Variants in BACH2 observed in about 807,000 individuals in gnomAD.
The protein encoded by BACH2 is BACH transcriptional regulator 2.
A neutral mutation model predicts 61.8 loss-of-function variants in BACH2; 5 were observed. The observed-to-expected ratio is 0.08, with a 90% confidence interval of 0.04 to 0.17. The LOEUF (loss-of-function observed/expected upper bound fraction) is 0.17, where lower values mean the gene tolerates loss of function less well. BACH2 is among the 10% of genes least tolerant of loss of function. The pLI is 1.00. For synonymous variants in BACH2, 446 were observed against 440.1 expected (o/e 1.01, Z -0.17); for missense variants, 824 against 1,091.1 (o/e 0.76, Z 3.45).
rs537460572 is a variant in BACH2, at chr6:89,928,914, T to A, written c.*3494A>T. 1 of 152,198 alleles carries A rather than the reference T, an allele frequency of 6.6e-6. No individual in the cohort carries two copies. The highest frequency in any genetic ancestry group is 1.9e-4 in the East Asian group (1 of 5,300). The allele number at this position is 152,198 out of a possible 1,614,324, so 9.4% of individuals were successfully genotyped here. A position where few individuals can be genotyped will look rare whatever the true frequency, so the allele number is the denominator to read the frequency against. On this transcript the variant is annotated 3_prime_UTR_variant, in exon 9 of 9. Coordinates refer to ENST00000257749, the MANE Select transcript of BACH2 (RefSeq NM_021813.4). ...TAACTGTTTTGTTCCAGAATCAGTATGTAATAAAGTTCGATTTTAATCAAG... is the reference window on the plus strand; with the variant it reads ...TAACTGTTTTGTTCCAGAATCAGTAAGTAATAAAGTTCGATTTTAATCAAG...
At chr6:90,272,823 G>A (rs1016977386) in intron 1 of BACH2, among the ~76,000 whole-genome samples, 15 of 152,030 alleles carry the variant, frequency 9.9e-5, no homozygotes, top group African/African-American at 3.4e-4. Context: ...GTTTCCTCTT[G>A]TAAAATTGGC....
chr6:90,068,327 T>C (rs1007996329), intron 5 of BACH2, among the ~76,000 whole-genome samples: 11 of 152,206 alleles, frequency 7.2e-5, no homozygotes, highest in Non-Finnish European at 1.0e-4. Context: ...CTGAGTACAG[T>C]AGTGATGAAT....
chr6:90,166,861 A>T (rs1199884292), intron 4 of BACH2, among the ~76,000 whole-genome samples: 1 of 141,320 alleles, frequency 7.1e-6, no homozygotes, highest in Non-Finnish European at 1.5e-5. Flanking sequence ...AACAATGAGA[A>T]CACATGGACA....
At chr6:90,117,390 A>C (rs1002246402) in intron 4 of BACH2, among the ~76,000 whole-genome samples, 9 of 151,726 alleles carry the variant, frequency 5.9e-5, no homozygotes, top group African/African-American at 2.2e-4. Flanking sequence ...TTTAGGTGTA[A>C]GATTAGAGAG....
intron 5 of BACH2, among the ~76,000 whole-genome samples, chr6:90,011,629 G>A (rs978337359): frequency 1.2e-4 from 19 of 152,146 alleles, no homozygotes; most frequent in Non-Finnish European, 5.9e-5. Flanking sequence ...GTGCATCACC[G>A]TATCTGGCTA....
rs557773023 is a variant in BACH2 at position 89,999,399 on chromosome 6, G to A, written c.243+9203C>T. On this transcript the variant is annotated intron_variant, in intron 6 of 8. Coordinates refer to ENST00000257749, the MANE Select transcript of BACH2 (RefSeq NM_021813.4). ...TGGCTTGCTGCCAGTTCGTGCTGGC[G>A]TGACCTACAATACCCTTGGCTGACA... 1.3e-4 allele frequency among the ~76,000 whole-genome samples: 20 copies of A among 151,630 alleles called. 1 individual carries two copies. The South Asian group carries it at 3.1e-3, about 24-fold the overall frequency.
At chr6:90,045,580 A>T (rs574337897) in intron 5 of BACH2, among the ~76,000 whole-genome samples, 1 of 152,332 alleles carries the variant, frequency 6.6e-6, no homozygotes, top group African/African-American at 2.4e-5. Context: ...TAAGTCCGAG[A>T]TAAGTTGCAT....
Position 90,008,897 on chromosome 6 carries a change from C to T in BACH2, c.-12-41G>A. The T allele has an allele frequency of 6.3e-7, 1 of 1,596,502 alleles. No individual in the cohort carries two copies. The highest frequency in any genetic ancestry group is 1.7e-5 in the Admixed American group (1 of 58,736). On this transcript the variant is annotated intron_variant, in intron 5 of 8. Coordinates refer to ENST00000257749, the MANE Select transcript of BACH2 (RefSeq NM_021813.4). This position sits in a 1 kb window ranked among gnomAD's most constrained non-coding sequence, Gnocchi z 4.1. ...AAACAAAGAAAGAAAGAAAGAAAGG[C>T]TGAGTCACCACAGCTGTAGGATCAG...
chr6:90,283,756 C>T (rs1771932676), intron 1 of BACH2, among the ~76,000 whole-genome samples: 1 of 151,842 alleles, frequency 6.6e-6, no homozygotes, highest in Non-Finnish European at 1.5e-5. Context: ...ACCTATAATC[C>T]CAGCACTTAG....
chr6:90,024,235 TA>T (rs910671537), intron 5 of BACH2, among the ~76,000 whole-genome samples: 1 of 152,178 alleles, frequency 6.6e-6, no homozygotes, highest in African/African-American at 2.4e-5. Context: ...TTCTGTGACT[TA>T]ATCACAAAGG....
chr6:89,956,043 C>T (rs1205785730), intron 6 of BACH2, among the ~76,000 whole-genome samples: 1 of 152,090 alleles, frequency 6.6e-6, no homozygotes, highest in Non-Finnish European at 1.5e-5. Flanking sequence ...CTAAGCAGAC[C>T]CATCTAGACT....
chr6:90,158,460 C>T (rs1301156761), intron 4 of BACH2, among the ~76,000 whole-genome samples: 4 of 152,006 alleles, frequency 2.6e-5, no homozygotes, highest in South Asian at 2.1e-4. Flanking sequence ...GACCCAGGAG[C>T]GGGGTTGAAA....
chr6:90,281,554 A>G (rs1011790435), intron 1 of BACH2, among the ~76,000 whole-genome samples: 1 of 152,088 alleles, frequency 6.6e-6, no homozygotes, highest in Non-Finnish European at 1.5e-5. Context: ...TTTTGTGACA[A>G]TCATATTAAA....
chr6:89,962,941 G>A lies in BACH2; in HGVS notation c.244-11079C>T, dbSNP rs113372983. 7.9e-3 allele frequency among the ~76,000 whole-genome samples: 1,207 copies of A among 152,262 alleles called. 21 individuals carry two copies. Among genetic ancestry groups the A allele is most frequent in the African/African-American group, 0.027 (1,110 of 41,540 alleles). On this transcript the variant is annotated intron_variant, in intron 6 of 8. Transcript: ENST00000257749. ...AGTAAAAAGGCAACTCATGGAATGGGAGGGAATATTTGTAAATCATATACC... is the reference window on the plus strand; with the variant it reads ...AGTAAAAAGGCAACTCATGGAATGGAAGGGAATATTTGTAAATCATATACC...
chr6:90,296,186 C>T (rs1214510473), intron 1 of BACH2, among the ~76,000 whole-genome samples: 1 of 151,988 alleles, frequency 6.6e-6, no homozygotes, highest in Non-Finnish European at 1.5e-5. Flanking sequence ...CCAAAACACC[C>T]TTCGACGCCA....
At chr6:90,082,183 T>C (rs553223830) in intron 5 of BACH2, among the ~76,000 whole-genome samples, 5 of 152,294 alleles carry the variant, frequency 3.3e-5, no homozygotes, top group Non-Finnish European at 7.4e-5. Context: ...TCTGCCAAAT[T>C]GCCTTATAGT....
At chr6:90,075,798 T>C (rs1781449461) in intron 5 of BACH2, among the ~76,000 whole-genome samples, 1 of 152,146 alleles carries the variant, frequency 6.6e-6, no homozygotes, top group Admixed American at 6.6e-5. Flanking sequence ...AAAGGATGGA[T>C]ATTGTTTCAG....
At chr6:90,296,184 C>T (rs1772372509) in intron 1 of BACH2, among the ~76,000 whole-genome samples, 1 of 151,976 alleles carries the variant, frequency 6.6e-6, no homozygotes, top group Admixed American at 6.5e-5. Flanking sequence ...TTCCAAAACA[C>T]CCTTCGACGC....
At chr6:89,995,580 TG>T (rs1187755671) in intron 6 of BACH2, among the ~76,000 whole-genome samples, 5 of 152,142 alleles carry the variant, frequency 3.3e-5, no homozygotes, top group Admixed American at 3.3e-4. Flanking sequence ...AGAGTGTGTG[TG>T]ATGTTACTTT....
Sources: gnomAD v4.1 joint callset for allele counts (sites outside exome capture counted in the v4.1 genomes callset) on GRCh38, gnomAD v4.1.1 for gene constraint, Gnocchi (gnomAD v3.1) non-coding constraint, MANE v1.5 for transcripts, NCBI Gene and HGNC (gene_info 2026-07-23, HGNC 2026-07-21) for gene names.